SARDH: variants seen among roughly 807,000 people sequenced by gnomAD.
The protein encoded by SARDH is sarcosine dehydrogenase, also known as sarcosine dehydrogenase, mitochondrial.
In SARDH, 95 loss-of-function variants were observed where a neutral mutation model predicts 109.1. The ratio of observed to expected loss-of-function variants is 0.87; its 90% CI spans 0.74 to 1.03. The LOEUF (loss-of-function observed/expected upper bound fraction) is 1.03, where lower values mean the gene tolerates loss of function less well. SARDH is among the 50% of genes least tolerant of loss of function. The pLI is 0.00. For synonymous variants in SARDH, 572 were observed against 534.8 expected (o/e 1.07, Z -0.96); for missense variants, 1,267 against 1,287.8 (o/e 0.98, Z 0.25).
chr9:133,698,908 T>C (rs1831382116), intron 13 of SARDH, among the ~76,000 whole-genome samples: 1 of 152,158 alleles, frequency 6.6e-6, no homozygotes, highest in South Asian at 2.1e-4. Context: ...AACATAGAGA[T>C]GAATTGGACA....
At chr9:133,713,989 G>A (rs1832028680) in intron 8 of SARDH, among the ~76,000 whole-genome samples, 1 of 152,228 alleles carries the variant, frequency 6.6e-6, no homozygotes, top group Non-Finnish European at 1.5e-5. Context: ...GCAAAAAACA[G>A]ACGGTCTCGT....
chr9:133,677,472 A>G (rs1239076515), intron 17 of SARDH, among the ~76,000 whole-genome samples: 1 of 152,088 alleles, frequency 6.6e-6, no homozygotes. Context: ...GAGAGGGAGG[A>G]AGACCAAGGT....
chr9:133,710,322 A>C (rs1400850176), intron 10 of SARDH, among the ~76,000 whole-genome samples: 2 of 152,242 alleles, frequency 1.3e-5, no homozygotes, highest in Non-Finnish European at 2.9e-5. Context: ...GGCTGGAGAG[A>C]CAGCCTCTTA....
At chr9:133,665,000 A>G (rs1162843936) in intron 20 of SARDH, among the ~76,000 whole-genome samples, 1 of 152,186 alleles carries the variant, frequency 6.6e-6, no homozygotes, top group Non-Finnish European at 1.5e-5. Flanking sequence ...AGGTTTCCCT[A>G]TCTTAGGCAG....
chr9:133,702,875 G>A (rs766785721), intron 13 of SARDH, 41 bp downstream of exon 13: 14 of 1,580,130 alleles, frequency 8.9e-6, no homozygotes, highest in East Asian at 4.5e-5. Flanking sequence ...CTGAGGGACA[G>A]GCAGAAGGAC....
In SARDH at chr9:133,694,408, G is replaced by A. The variant is rs1003390663; in HGVS notation, c.1808-37C>T. The stretch of plus-strand genomic sequence containing the variant: ...AGAAGGAAGCCGGGTCTGTGCTGAG[G>A]CCCCAGCCGGGTCTGTGCTGCCTCA... On this transcript the variant is annotated intron_variant, in intron 14 of 20. Coordinates refer to ENST00000439388, the MANE Select transcript of SARDH (RefSeq NM_001134707.2). 11 of 1,504,830 alleles carry A rather than the reference G, an allele frequency of 7.3e-6. No homozygotes were observed. The African/African-American group carries it at 9.7e-5, about 13-fold the overall frequency. 93.2% of individuals were successfully genotyped at this position (1,504,830 alleles called of 1,614,324 possible). A position where few individuals can be genotyped will look rare whatever the true frequency, so the allele number is the denominator to read the frequency against.
At chr9:133,707,477 A>G (rs765507474) in intron 11 of SARDH, among the ~76,000 whole-genome samples, 1 of 152,176 alleles carries the variant, frequency 6.6e-6, no homozygotes, top group South Asian at 2.1e-4. Flanking sequence ...GCCTCTCCCC[A>G]GGAGGTACAG....
At chr9:133,721,673 G>A (rs10993776) in intron 6 of SARDH, among the ~76,000 whole-genome samples, 30,372 of 152,110 alleles carry the variant, frequency 0.2, 3,281 homozygotes, top group Middle Eastern at 0.25. Context: ...ATGTGTGTGC[G>A]TATTCAGAAA....
intron 10 of SARDH, among the ~76,000 whole-genome samples, chr9:133,710,190 A>G (rs1436276982): frequency 6.6e-6 from 1 of 152,220 alleles, no homozygotes; most frequent in African/African-American, 2.4e-5. Flanking sequence ...CCAAGCGTCC[A>G]CACGCATGAG....
intron 6 of SARDH, among the ~76,000 whole-genome samples, chr9:133,727,634 A>C (rs1013333833): frequency 2.6e-5 from 4 of 151,736 alleles, no homozygotes; most frequent in South Asian, 2.1e-4. Flanking sequence ...TCAGAGGAAC[A>C]TGAGGGGCTT....
chr9:133,665,925 T>G (rs1192531911), intron 20 of SARDH, among the ~76,000 whole-genome samples: 2 of 152,182 alleles, frequency 1.3e-5, no homozygotes, highest in African/African-American at 4.8e-5. Flanking sequence ...AAACGTCAGA[T>G]CGGCTCCCAT....
chr9:133,700,513 G>C (rs954872418), intron 13 of SARDH, among the ~76,000 whole-genome samples: 3 of 152,296 alleles, frequency 2.0e-5, no homozygotes, highest in South Asian at 2.1e-4. Context: ...TCTACAGAGA[G>C]AGAAAGTAGA....
chr9:133,672,256 C>T (rs1385582652), intron 17 of SARDH, among the ~76,000 whole-genome samples: 1 of 152,224 alleles, frequency 6.6e-6, no homozygotes, highest in Non-Finnish European at 1.5e-5. Flanking sequence ...ACACTTGTCA[C>T]TGGACTTAGG....
In SARDH at chr9:133,674,877, G is replaced by C. The variant is rs372864745; in HGVS notation, c.2164-3180C>G. Among the ~76,000 whole-genome samples the C allele has an allele frequency of 3.0e-4, 46 of 152,342 alleles. No individual in the cohort carries two copies. In the South Asian group the frequency reaches 7.0e-3, roughly 23 times the overall value. ...CACAAAAGCAAAAGTCAGATGGAAG[G>C]ACATTGATCACAAGCACATTTGTGC... On this transcript the variant is annotated intron_variant, in intron 17 of 20. Transcript: ENST00000439388.
intron 17 of SARDH, among the ~76,000 whole-genome samples, chr9:133,673,238 A>G (rs2519119): frequency 0.56 from 85,504 of 152,210 alleles, 24,865 homozygotes; most frequent in East Asian, 0.79. Context: ...CACTTGGTTC[A>G]GGTGCGTGGC....
intron 17 of SARDH, among the ~76,000 whole-genome samples, chr9:133,676,714 GA>G (rs1830524639): frequency 6.6e-6 from 1 of 152,194 alleles, no homozygotes; most frequent in South Asian, 2.1e-4. Flanking sequence ...AGACCGGGGG[GA>G]AAGGCGGTAC....
At chr9:133,696,389 C>T in intron 13 of SARDH, 28 bp from the exon 14 acceptor site, 6 of 1,613,654 alleles carry the variant, frequency 3.7e-6, no homozygotes, top group Non-Finnish European at 5.1e-6. Flanking sequence ...GGTGGGAATG[C>T]CACGGGGGCC....
intron 13 of SARDH, among the ~76,000 whole-genome samples, chr9:133,701,281 G>A (rs1341768402): frequency 6.6e-6 from 1 of 152,366 alleles, no homozygotes; most frequent in East Asian, 1.9e-4. Context: ...AGAGCTGGTT[G>A]TTAAGCTGTT....
At chr9:133,719,809 T>A (rs1358359486) in intron 6 of SARDH, among the ~76,000 whole-genome samples, 2 of 151,824 alleles carry the variant, frequency 1.3e-5, no homozygotes, top group African/African-American at 4.8e-5. Context: ...CTGCTCACTC[T>A]CTCCTAAAAA....
Sources: gnomAD v4.1 joint callset for allele counts (sites outside exome capture counted in the v4.1 genomes callset) on GRCh38, gnomAD v4.1.1 for gene constraint, MANE v1.5 for transcripts, NCBI Gene and HGNC (gene_info 2026-07-23, HGNC 2026-07-21) for gene names.